Variants in NUDCD1 observed in about 807,000 individuals in gnomAD.
NUDCD1 encodes the protein NudC domain containing 1.
A neutral mutation model predicts 67.8 loss-of-function variants in NUDCD1; 60 were observed. The observed-to-expected ratio is 0.88, with a 90% CI of 0.72 to 1.10. NUDCD1 has a LOEUF of 1.10. Among genes scored for constraint, NUDCD1 ranks in the 50% least tolerant of loss-of-function variants. NUDCD1 has a pLI of 0.00. For synonymous variants in NUDCD1, 244 were observed against 230.8 expected (o/e 1.06, Z -0.52); for missense variants, 643 against 695.0 (o/e 0.93, Z 0.84).
intron 8 of NUDCD1, among the ~76,000 whole-genome samples, chr8:109,261,070 TA>T (rs1361237503): frequency 6.6e-6 from 1 of 152,168 alleles, no homozygotes; most frequent in Non-Finnish European, 1.5e-5. Context: ...GAAATACATG[TA>T]GGGGGGTATT....
intron 2 of NUDCD1, among the ~76,000 whole-genome samples, chr8:109,314,247 A>G (rs1191640347): frequency 2.6e-5 from 4 of 152,308 alleles, no homozygotes; most frequent in South Asian, 2.1e-4. Context: ...AACACTGAAA[A>G]TCATTCTAAG....
Position 109,304,622 on chromosome 8 carries a change from G to A in NUDCD1, c.274-8053C>T, listed in dbSNP as rs145850673. Among the ~76,000 whole-genome samples, 792 of 152,238 alleles carry A rather than the reference G, an allele frequency of 5.2e-3. 13 individuals are homozygous for A. The highest frequency in any genetic ancestry group is 0.018 in the African/African-American group (758 of 41,538). On this transcript the variant is annotated intron_variant, in intron 2 of 9. Coordinates refer to ENST00000239690, the MANE Select transcript of NUDCD1 (RefSeq NM_032869.4). ...CCTGCACCACCATGCTGTTATATGG[G>A]CTGAAAGAGGGTTCCTCTCTACGTA...
At chr8:109,289,641 ATTATGCATCTATC>A (rs1489274867) in intron 5 of NUDCD1, 97 bp downstream of exon 5, 6 of 552,492 alleles carry the variant, frequency 1.1e-5, no homozygotes, top group African/African-American at 6.0e-5. Flanking sequence ...TAAAGAAAAA[ATTATGCATCTATC>A]TTGCCCTTGT....
intron 9 of NUDCD1, among the ~76,000 whole-genome samples, chr8:109,244,257 C>T (rs1813444758): frequency 1.3e-5 from 2 of 151,938 alleles, no homozygotes; most frequent in Non-Finnish European, 2.9e-5. Context: ...CCAGGCTAAC[C>T]TTGACAGAAT....
chr8:109,281,035 A>G lies in NUDCD1; in HGVS notation c.961T>C (p.Leu321=). 1 of 1,612,074 alleles carries G rather than the reference A, an allele frequency of 6.2e-7. No individual in the cohort carries two copies. The highest frequency in any genetic ancestry group is 2.2e-5 in the East Asian group (1 of 44,788). Reference sequence around the variant, plus strand: ...ATAGATGAATAGAGTTTTCCTTCTAAAAACTGGTGATCCTTCAGTACAATG... The same window carrying G: ...ATAGATGAATAGAGTTTTCCTTCTAGAAACTGGTGATCCTTCAGTACAATG... ...INIVLKDHQF[L]EGKLYSSIDH... is the part of the protein sequence containing the mutation. The change falls in exon 6 of 10, where the codon TTA becomes CTA. Residue 321 remains leucine, a synonymous_variant. Transcript: ENST00000239690.
intron 8 of NUDCD1, among the ~76,000 whole-genome samples, chr8:109,257,388 A>G (rs1350196317): frequency 1.3e-5 from 2 of 151,974 alleles, no homozygotes; most frequent in Non-Finnish European, 2.9e-5. Flanking sequence ...CCAAAATACA[A>G]AATATCGGGA....
chr8:109,269,566 T>G (rs1489300909), intron 8 of NUDCD1, among the ~76,000 whole-genome samples: 1 of 152,196 alleles, frequency 6.6e-6, no homozygotes, highest in Non-Finnish European at 1.5e-5. Context: ...TTCGGTTACA[T>G]GAATTCTGCT....
chr8:109,275,090 A>C (rs541753650), intron 7 of NUDCD1, among the ~76,000 whole-genome samples: 2 of 151,790 alleles, frequency 1.3e-5, no homozygotes, highest in East Asian at 1.9e-4. Context: ...AGAGAGAGAG[A>C]GCGCACAATA....
intron 1 of NUDCD1, among the ~76,000 whole-genome samples, chr8:109,328,313 C>T (rs1445711703): frequency 6.6e-6 from 1 of 152,078 alleles, no homozygotes; most frequent in African/African-American, 2.4e-5. Context: ...CTTTTCTTCC[C>T]CCTTCTCTGA....
In NUDCD1 at chr8:109,243,409, C is replaced by T. The variant is rs534721168; in HGVS notation, c.1460-108G>A. ...GCAATGTTTATTACAAATTAAAATG[C>T]CCAAGTAAAATATATACCATAAGGT... On this transcript the variant is annotated intron_variant, in intron 9 of 9. Transcript: ENST00000239690. The T allele has an allele frequency of 1.0e-5, 9 of 878,200 alleles. No homozygotes were observed. In the East Asian group the frequency reaches 1.0e-4, roughly 10 times the overall value. 54.4% of individuals were successfully genotyped at this position (878,200 alleles called of 1,614,324 possible). A position where few individuals can be genotyped will look rare whatever the true frequency, so the allele number is the denominator to read the frequency against.
At chr8:109,286,727 A>AT (rs1247959799) in intron 5 of NUDCD1, among the ~76,000 whole-genome samples, 2 of 152,106 alleles carry the variant, frequency 1.3e-5, no homozygotes, top group African/African-American at 4.8e-5. Context: ...TTGAGAATGA[A>AT]TTATGACTAA....
intron 2 of NUDCD1, among the ~76,000 whole-genome samples, chr8:109,317,198 T>C (rs1257784037): frequency 6.6e-6 from 1 of 151,992 alleles, no homozygotes; most frequent in Non-Finnish European, 1.5e-5. Flanking sequence ...ACTGAACAGG[T>C]GATTAGAGAA....
At position 109,319,685 on chromosome 8, in the gene NUDCD1, T is replaced by C. The variant is rs187452191; in HGVS notation, c.273+2624A>G. Among the ~76,000 whole-genome samples the C allele has an allele frequency of 1.5e-3, 228 of 152,326 alleles. 1 individual carries two copies. The highest frequency in any genetic ancestry group is 6.8e-3 in the South Asian group (33 of 4,830). Reference sequence around the variant, plus strand: ...TGTCTCAGGAACTGCAAGAGTTTAGTATGGCTAGAATGTAGTATACAAAGT... The same window carrying C: ...TGTCTCAGGAACTGCAAGAGTTTAGCATGGCTAGAATGTAGTATACAAAGT... On this transcript the variant is annotated intron_variant, in intron 2 of 9. Transcript: ENST00000239690.
intron 8 of NUDCD1, among the ~76,000 whole-genome samples, chr8:109,268,389 T>C (rs1017100468): frequency 1.3e-5 from 2 of 152,214 alleles, no homozygotes; most frequent in African/African-American, 4.8e-5. Flanking sequence ...TGCTAAATTC[T>C]AGGACTTAGT....
At chr8:109,309,610 A>G (rs1293363789) in intron 2 of NUDCD1, among the ~76,000 whole-genome samples, 2 of 152,224 alleles carry the variant, frequency 1.3e-5, no homozygotes, top group Non-Finnish European at 2.9e-5. Context: ...TCCCGGCCAG[A>G]GCAATCAAAG....
chr8:109,244,214 T>C (rs908122875), intron 9 of NUDCD1, among the ~76,000 whole-genome samples: 11 of 152,148 alleles, frequency 7.2e-5, no homozygotes, highest in African/African-American at 2.7e-4. Context: ...AGTGAAGATT[T>C]AGATACCTAT....
Position 109,275,380 on chromosome 8 carries a change from C to T in NUDCD1, c.1145G>A (p.Arg382His), listed in dbSNP as rs1814258428. 4.3e-6 allele frequency: 7 copies of T among 1,613,346 alleles called. No homozygotes were observed. The highest frequency in any genetic ancestry group is 2.2e-5 in the East Asian group (1 of 44,852). ...DSAQCAAIAE[R>H]LMHLTSEELN... ...TTCTTCAGAGGTCAAATGCATCAAA[C>T]GTTCAGCTATTGCAGCACACTGGGC... Residue 382 changes from arginine (R) to histidine (H), a missense_variant, in exon 7 of 10, where the codon CGT becomes CAT. Physicochemically the swap from Arg to His is conservative, Grantham distance 29 (BLOSUM62 0). Transcript: ENST00000239690.
chr8:109,321,480 C>T (rs1815535435), intron 2 of NUDCD1, among the ~76,000 whole-genome samples: 1 of 151,632 alleles, frequency 6.6e-6, no homozygotes, highest in African/African-American at 2.4e-5. Flanking sequence ...AAATAAAAAG[C>T]CAAAAGAGGA....
rs372787704 is a variant in NUDCD1, at chr8:109,329,972, T to C, written c.118+3921A>G. On this transcript the variant is annotated intron_variant, in intron 1 of 9. Coordinates refer to ENST00000239690, the MANE Select transcript of NUDCD1 (RefSeq NM_032869.4). ...AACGCATAATACAGATTCTATAGTG[T>C]AGATTCTGACTAGTCAAGAAAGGAA... 32 of 1,318,312 alleles carry C rather than the reference T, an allele frequency of 2.4e-5. No homozygotes were observed. In the East Asian group the frequency reaches 2.9e-4, roughly 12 times the overall value. The allele number at this position is 1,318,312 out of a possible 1,614,324, so 81.7% of individuals were successfully genotyped here. A position where few individuals can be genotyped will look rare whatever the true frequency, so the allele number is the denominator to read the frequency against.
Sources: allele counts gnomAD v4.1 joint callset (sites outside exome capture counted in the v4.1 genomes callset), GRCh38; gene constraint gnomAD v4.1.1; transcripts MANE v1.5; gene names NCBI Gene and HGNC (gene_info 2026-07-23, HGNC 2026-07-21).